Variants in MAGI2 observed in about 807,000 individuals in gnomAD.
MAGI2 encodes membrane associated guanylate kinase, WW and PDZ domain containing 2.
In MAGI2, 35 loss-of-function variants were observed where a neutral mutation model predicts 133.3. The observed-to-expected ratio is 0.26, with a 90% CI of 0.20 to 0.35. The LOEUF (loss-of-function observed/expected upper bound fraction) is 0.35. Ranked by LOEUF, MAGI2 falls within the 10% of genes least tolerant of loss-of-function variation. MAGI2 has a pLI of 1.00. For missense variants in MAGI2, 1,636 were observed against 1,863.4 expected (o/e 0.88, Z 2.25); for synonymous variants, 729 against 710.6 (o/e 1.03, Z -0.41).
intron 5 of MAGI2, among the ~76,000 whole-genome samples, chr7:78,498,355 G>A (rs1408173616): frequency 1.3e-5 from 2 of 152,062 alleles, no homozygotes; most frequent in South Asian, 2.1e-4. Flanking sequence ...TCACTGTCTC[G>A]TATTCTACAA....
chr7:78,670,931 A>G (rs2151071688), intron 2 of MAGI2, among the ~76,000 whole-genome samples: 2 of 152,304 alleles, frequency 1.3e-5, no homozygotes, highest in South Asian at 4.1e-4. Flanking sequence ...TCAACTACTT[A>G]AAGTATCACA....
intron 15 of MAGI2, among the ~76,000 whole-genome samples, chr7:78,164,974 T>C (rs1183534697): frequency 6.6e-6 from 1 of 152,256 alleles, no homozygotes; most frequent in Non-Finnish European, 1.5e-5. Context: ...GCTGGAGGCA[T>C]GGATAAGGCA....
chr7:78,729,098 T>G (rs1364965826), intron 2 of MAGI2, among the ~76,000 whole-genome samples: 1 of 152,154 alleles, frequency 6.6e-6, no homozygotes, highest in Non-Finnish European at 1.5e-5. Context: ...ATGACTTAAG[T>G]CTTTACAATG....
chr7:79,087,721 C>G (rs1431743300), intron 1 of MAGI2, among the ~76,000 whole-genome samples: 1 of 152,050 alleles, frequency 6.6e-6, no homozygotes, highest in Non-Finnish European at 1.5e-5. Context: ...AACAGCTAGC[C>G]AGTTTTCCCA....
chr7:78,184,704 A>C (rs1178311641), intron 13 of MAGI2: 2 of 152,226 alleles, frequency 1.3e-5, no homozygotes, highest in African/African-American at 4.8e-5. Flanking sequence ...TTGTACAATA[A>C]TGTTAAATAT....
chr7:78,533,139 A>G (rs1563133410), intron 3 of MAGI2, among the ~76,000 whole-genome samples: 1 of 152,128 alleles, frequency 6.6e-6, no homozygotes, highest in Non-Finnish European at 1.5e-5. Context: ...GAGGAAATCA[A>G]CTAATTCTTT....
At chr7:78,852,509 A>G (rs1384583865) in intron 2 of MAGI2, among the ~76,000 whole-genome samples, 1 of 152,088 alleles carries the variant, frequency 6.6e-6, no homozygotes, top group Admixed American at 6.6e-5. Context: ...AAAAGTTTAT[A>G]TTTTCCTCTT....
chr7:78,887,560 G>A (rs538699000), intron 2 of MAGI2, among the ~76,000 whole-genome samples: 15 of 152,148 alleles, frequency 9.9e-5, no homozygotes, highest in Non-Finnish European at 1.6e-4. Flanking sequence ...TTTATGAATG[G>A]CTATATCATC....
intron 2 of MAGI2, among the ~76,000 whole-genome samples, chr7:78,831,074 A>AT (rs11427935): frequency 0.45 from 68,400 of 151,886 alleles, 15,656 homozygotes; most frequent in Admixed American, 0.51. Context: ...TCTTATCAAC[A>AT]TTTTTTCCCC....
At chr7:79,163,075 C>A (rs1824534396) in intron 1 of MAGI2, among the ~76,000 whole-genome samples, 1 of 152,042 alleles carries the variant, frequency 6.6e-6, no homozygotes, top group South Asian at 2.1e-4. Flanking sequence ...TCTCCTGTGA[C>A]AAAACCTCCT....
At chr7:78,177,730 A>G (rs962971082) in intron 14 of MAGI2, among the ~76,000 whole-genome samples, 12 of 152,170 alleles carry the variant, frequency 7.9e-5, no homozygotes, top group African/African-American at 2.9e-4. Context: ...GGTTCAGTGC[A>G]ATTAGATAAC....
intron 2 of MAGI2, among the ~76,000 whole-genome samples, chr7:78,725,815 C>CAACA (rs371894892): frequency 1.8e-3 from 273 of 151,952 alleles, no homozygotes; most frequent in African/African-American, 5.6e-3. Context: ...ACAACAACCA[C>CAACA]AACAAACAAA....
intron 2 of MAGI2, among the ~76,000 whole-genome samples, chr7:78,893,926 TG>T (rs1301665328): frequency 3.3e-5 from 5 of 152,298 alleles, no homozygotes; most frequent in South Asian, 4.1e-4. Flanking sequence ...TAATAGTCTC[TG>T]ATTTTTACTC....
chr7:78,068,918 G>A, intron 21 of MAGI2, among the ~76,000 whole-genome samples: 1 of 152,182 alleles, frequency 6.6e-6, no homozygotes, highest in East Asian at 1.9e-4. Flanking sequence ...ATGAGAAAAT[G>A]AGACTGGAGA....
chr7:78,753,989 C>T (rs73135518), intron 2 of MAGI2, among the ~76,000 whole-genome samples: 6,710 of 152,096 alleles, frequency 0.044, 216 homozygotes, highest in Non-Finnish European at 0.067. Context: ...GGTATACAGA[C>T]CCACACTTTA....
intron 6 of MAGI2, among the ~76,000 whole-genome samples, chr7:78,409,976 T>C (rs993098289): frequency 6.6e-6 from 1 of 152,008 alleles, no homozygotes. Flanking sequence ...AGTTGTGTAC[T>C]GCGCCCTGCT....
chr7:78,212,501 C>T (rs961557805), intron 10 of MAGI2, among the ~76,000 whole-genome samples: 15 of 152,120 alleles, frequency 9.9e-5, no homozygotes, highest in African/African-American at 3.4e-4. Context: ...GTGCTGGAGG[C>T]CTCTGGAAGT....
intron 1 of MAGI2, among the ~76,000 whole-genome samples, chr7:79,390,862 T>C (rs1384095156): frequency 6.6e-6 from 1 of 152,152 alleles, no homozygotes; most frequent in African/African-American, 2.4e-5. Flanking sequence ...CTCTCTGAAT[T>C]AGCAGAAAGA....
intron 1 of MAGI2, among the ~76,000 whole-genome samples, chr7:79,336,458 A>C (rs1458254982): frequency 6.6e-6 from 1 of 152,186 alleles, no homozygotes; most frequent in East Asian, 1.9e-4. Context: ...TATACAATTT[A>C]AATAATGACC....
Sources: gnomAD v4.1 joint callset for allele counts (sites outside exome capture counted in the v4.1 genomes callset) on GRCh38, gnomAD v4.1.1 for gene constraint, MANE v1.5 for transcripts, NCBI Gene and HGNC (gene_info 2026-07-23, HGNC 2026-07-21) for gene names.